The following PPP1R12A variants were observed in gnomAD, a reference collection of about 807,000 sequenced individuals.
PPP1R12A encodes the protein protein phosphatase 1 regulatory subunit 12A, also known as myosin binding subunit.
PPP1R12A carries 19 observed loss-of-function variants against 139.6 expected under a neutral mutation model. The observed-to-expected ratio is 0.14, with a 90% CI of 0.09 to 0.20. The LOEUF (loss-of-function observed/expected upper bound fraction) is 0.20, where lower values mean the gene tolerates loss of function less well. PPP1R12A is among the 10% of genes least tolerant of loss of function. The probability of loss-of-function intolerance (pLI) is 1.00; values close to 1 mark genes in which losing one functional copy is unlikely to be tolerated. For missense variants in PPP1R12A, 925 were observed against 1,211.5 expected (o/e 0.76, Z 3.51); for synonymous variants, 427 against 420.6 (o/e 1.02, Z -0.19).
At chr12:79,793,242 T>C (rs1382971553) in intron 19 of PPP1R12A, among the ~76,000 whole-genome samples, 1 of 152,196 alleles carries the variant, frequency 6.6e-6, no homozygotes, top group East Asian at 1.9e-4. Context: ...TCGGGGGAAC[T>C]TTCAACCCTT....
chr12:79,921,334 A>G (rs919896951), intron 1 of PPP1R12A, among the ~76,000 whole-genome samples: 1 of 152,168 alleles, frequency 6.6e-6, no homozygotes, highest in African/African-American at 2.4e-5. Context: ...AAACTACATA[A>G]ATAACACAAA....
intron 22 of PPP1R12A, among the ~76,000 whole-genome samples, chr12:79,784,777 C>A (rs1172686692): frequency 6.6e-6 from 1 of 152,086 alleles, no homozygotes; most frequent in Non-Finnish European, 1.5e-5. Flanking sequence ...GCTGGGACTA[C>A]AGGCGCCCAC....
intron 4 of PPP1R12A, among the ~76,000 whole-genome samples, chr12:79,829,623 G>A (rs144316533): frequency 1.3e-4 from 19 of 151,940 alleles, no homozygotes; most frequent in Non-Finnish European, 2.4e-4. Flanking sequence ...ACATTTAAGA[G>A]CCATTATCTA....
intron 1 of PPP1R12A, among the ~76,000 whole-genome samples, chr12:79,926,934 C>T (rs1037571528): frequency 3.3e-5 from 5 of 152,052 alleles, no homozygotes; most frequent in South Asian, 2.1e-4. Flanking sequence ...CAGTGGCTCA[C>T]GCCTGTAATC....
chr12:79,892,571 A>G (rs532499731), intron 1 of PPP1R12A, among the ~76,000 whole-genome samples: 1 of 152,282 alleles, frequency 6.6e-6, no homozygotes, highest in East Asian at 1.9e-4. Context: ...CATTCATTCA[A>G]TCATTTTCTT....
chr12:79,821,003 C>T, intron 7 of PPP1R12A, 72 bp from the exon 8 acceptor site: 1 of 1,596,116 alleles, frequency 6.3e-7, no homozygotes, highest in Non-Finnish European at 8.6e-7. Flanking sequence ...TTCCCAGATC[C>T]ACAATAATCA....
At chr12:79,879,716 A>G (rs1883449449) in intron 1 of PPP1R12A, among the ~76,000 whole-genome samples, 1 of 152,188 alleles carries the variant, frequency 6.6e-6, no homozygotes. Flanking sequence ...GGAGAATGAC[A>G]GGAGGGACAC....
chr12:79,932,078 A>T (rs1198108456), intron 1 of PPP1R12A, among the ~76,000 whole-genome samples: 1 of 152,204 alleles, frequency 6.6e-6, no homozygotes, highest in Non-Finnish European at 1.5e-5. Context: ...AGAACACTTG[A>T]TCAAAACCAG....
chr12:79,843,852 C>T (rs936433792), intron 3 of PPP1R12A, among the ~76,000 whole-genome samples: 2 of 151,310 alleles, frequency 1.3e-5, no homozygotes, highest in African/African-American at 4.8e-5. Flanking sequence ...TTACAGGCGC[C>T]CACCACCACG....
At chr12:79,891,243 CTT>C (rs1232381444) in intron 1 of PPP1R12A, among the ~76,000 whole-genome samples, 1 of 152,014 alleles carries the variant, frequency 6.6e-6, no homozygotes, top group East Asian at 1.9e-4. Context: ...TTGAAAAAAT[CTT>C]ATATGGTTAT....
intron 1 of PPP1R12A, among the ~76,000 whole-genome samples, chr12:79,918,635 T>G (rs185152395): frequency 6.6e-6 from 1 of 152,294 alleles, no homozygotes; most frequent in African/African-American, 2.4e-5. Flanking sequence ...TAAGTCCATC[T>G]ACTATTTTCC....
At chr12:79,853,192 T>C (rs771109245) in intron 2 of PPP1R12A, among the ~76,000 whole-genome samples, 3 of 152,212 alleles carry the variant, frequency 2.0e-5, no homozygotes, top group Non-Finnish European at 2.9e-5. Context: ...GTAGAATGGT[T>C]ATTCTCAAAA....
rs185399924 is a variant in PPP1R12A, at chr12:79,927,876, C to T, written c.237+6819G>A. Among the ~76,000 whole-genome samples the T allele has an allele frequency of 3.1e-4, 47 of 152,286 alleles. 1 individual carries two copies. The East Asian group carries it at 6.7e-3, about 22-fold the overall frequency. On this transcript the variant is annotated intron_variant, in intron 1 of 24. Coordinates refer to ENST00000450142, the MANE Select transcript of PPP1R12A (RefSeq NM_002480.3). ...AAAGAGGTATACCAAAATGCCAATA[C>T]CTCATCATCTTCTCAACCTTATTGT... is the stretch of plus-strand genomic sequence containing the variant.
At chr12:79,928,111 A>G (rs1460744291) in intron 1 of PPP1R12A, among the ~76,000 whole-genome samples, 1 of 152,226 alleles carries the variant, frequency 6.6e-6, no homozygotes. Flanking sequence ...CACTTTTCTT[A>G]TGTGAACTGT....
chr12:79,829,444 T>G (rs1342303938), intron 4 of PPP1R12A, among the ~76,000 whole-genome samples: 1 of 152,152 alleles, frequency 6.6e-6, no homozygotes, highest in East Asian at 1.9e-4. Flanking sequence ...TTTCTAATCC[T>G]GCCTCCGTAA....
rs145628315 is a variant in PPP1R12A, at chr12:79,866,300, C to T, written c.368+6508G>A. ...AAACTGAAACTAGACCACTTCTTTA[C>T]AACTTATACAAAAATCAACTCAAGA... On this transcript the variant is annotated intron_variant, in intron 2 of 24. Transcript: ENST00000450142. Among the ~76,000 whole-genome samples, 792 of 152,268 alleles carry T rather than the reference C, an allele frequency of 5.2e-3. 5 individuals are homozygous for T. Among genetic ancestry groups the T allele is most frequent in the African/African-American group, 0.018 (752 of 41,548 alleles).
chr12:79,873,745 T>C (rs954841163), intron 1 of PPP1R12A, among the ~76,000 whole-genome samples: 1 of 152,148 alleles, frequency 6.6e-6, no homozygotes, highest in Admixed American at 6.5e-5. Flanking sequence ...TCTTGGCCCT[T>C]GTATACAGGT....
chr12:79,935,262 C>G (rs945732225), upstream of PPP1R12A: 1 of 1,110,026 alleles, frequency 9.0e-7, no homozygotes, highest in African/African-American at 1.6e-5. Flanking sequence ...TGTGCCCGCC[C>G]CAGGAAGAGC....
At chr12:79,844,539 A>C (rs927490133) in intron 3 of PPP1R12A, among the ~76,000 whole-genome samples, 5 of 152,200 alleles carry the variant, frequency 3.3e-5, no homozygotes, top group African/African-American at 1.2e-4. Context: ...AGTCAAAAAT[A>C]AATCACTTTA....
Sources: gnomAD v4.1 joint callset for allele counts (sites outside exome capture counted in the v4.1 genomes callset) on GRCh38, gnomAD v4.1.1 for gene constraint, MANE v1.5 for transcripts, NCBI Gene and HGNC (gene_info 2026-07-23, HGNC 2026-07-21) for gene names.